Variants in DNAH6 observed in about 807,000 individuals in gnomAD.
The protein encoded by DNAH6 is dynein axonemal heavy chain 6.
In DNAH6, 340 loss-of-function variants were observed where a neutral mutation model predicts 491.4. The ratio of observed to expected loss-of-function variants is 0.69; its 90% CI spans 0.63 to 0.76. The LOEUF (loss-of-function observed/expected upper bound fraction) is 0.76, where lower values mean the gene tolerates loss of function less well. Among genes scored for constraint, DNAH6 ranks in the 30% least tolerant of loss-of-function variants. The probability of loss-of-function intolerance (pLI) is 0.00; values close to 1 mark genes in which losing one functional copy is unlikely to be tolerated. For synonymous variants in DNAH6, 1,603 were observed against 1,686.1 expected, an observed-to-expected ratio of 0.95 and a Z score of 1.21; for missense variants, 4,443 against 4,972.2, an observed-to-expected ratio of 0.89 and a Z score of 3.20.
chr2:84,669,420 A>T lies in DNAH6; in HGVS notation c.6216A>T (p.Thr2072=). The change falls in exon 38 of 77, where the codon ACA becomes ACT. Residue 2072 remains threonine, a synonymous_variant. Coordinates refer to ENST00000389394, the MANE Select transcript of DNAH6 (RefSeq NM_001370.2). The stretch of plus-strand genomic sequence containing the variant: ...CATTTTTTGAAATGCTTGTCCCCAC[A>T]ACTGACACAGTGCGCTATGGGTATC... ...DVPFFEMLVP[T]TDTVRYGYLM... 6.4e-7 allele frequency: 1 copy of T among 1,552,084 alleles called. No homozygotes were observed. Among genetic ancestry groups the T allele is most frequent in the East Asian group, 2.4e-5 (1 of 40,920 alleles).
At chr2:84,687,515 C>A (rs565153625) in intron 44 of DNAH6, among the ~76,000 whole-genome samples, 1 of 152,052 alleles carries the variant, frequency 6.6e-6, no homozygotes, top group East Asian at 1.9e-4. Flanking sequence ...AGATAAACTA[C>A]GTATTTTTGT....
the DNAH6 span, among the ~76,000 whole-genome samples, chr2:84,472,487 A>G: frequency 1.3e-5 from 2 of 152,170 alleles, no homozygotes; most frequent in African/African-American, 2.4e-5. Context: ...CTACTGAAAC[A>G]TGAACAGAGG....
chr2:84,610,383 T>C (rs1686206866), intron 21 of DNAH6, among the ~76,000 whole-genome samples: 1 of 152,170 alleles, frequency 6.6e-6, no homozygotes, highest in Non-Finnish European at 1.5e-5. Flanking sequence ...AAGTCACAGA[T>C]GGCACCCACA....
At chr2:84,796,953 T>C (rs1206223170) in intron 69 of DNAH6, among the ~76,000 whole-genome samples, 1 of 152,202 alleles carries the variant, frequency 6.6e-6, no homozygotes, top group East Asian at 1.9e-4. Context: ...TAGTTTATTA[T>C]GAGTCAGACA....
intron 11 of DNAH6, among the ~76,000 whole-genome samples, chr2:84,570,487 C>T (rs193206166): frequency 6.8e-6 from 1 of 147,426 alleles, no homozygotes; most frequent in African/African-American, 2.5e-5. Context: ...CACCAATCAG[C>T]ACTCTGTGTC....
At chr2:84,570,408 A>G (rs1170711368) in intron 11 of DNAH6, among the ~76,000 whole-genome samples, 1 of 152,070 alleles carries the variant, frequency 6.6e-6, no homozygotes, top group Non-Finnish European at 1.5e-5. Context: ...CTCTGTAAAA[A>G]CACACCAATC....
At chr2:84,752,553 A>G (rs1396476603) in intron 63 of DNAH6, among the ~76,000 whole-genome samples, 1 of 152,122 alleles carries the variant, frequency 6.6e-6, no homozygotes, top group Non-Finnish European at 1.5e-5. Flanking sequence ...TGCAACCATC[A>G]CAATTTAGAG....
chr2:84,688,542 C>A lies in DNAH6; in HGVS notation c.7241C>A (p.Pro2414His). Residue 2414 changes from proline to histidine, a missense_variant, in exon 45 of 77, where the codon CCC becomes CAC. Physicochemically the swap from Pro to His is moderately conservative, Grantham distance 77. Coordinates refer to ENST00000389394, the MANE Select transcript of DNAH6 (RefSeq NM_001370.2). ...CTTGATGATTATAATCTCACAAATC[C>A]CAAAGAAGTAAAGTTGGTGTTCTTC... ...DYLDDYNLTNPKEVKLVFFQD... is the reference protein window; with the variant it reads ...DYLDDYNLTNHKEVKLVFFQD... 1.3e-6 allele frequency: 2 copies of A among 1,544,890 alleles called. No individual in the cohort carries two copies. Among genetic ancestry groups the A allele is most frequent in the Non-Finnish European group, 8.7e-7 (1 of 1,145,644 alleles).
intron 26 of DNAH6, 95 bp from the exon 27 acceptor site, chr2:84,624,170 T>C: frequency 8.6e-7 from 1 of 1,160,300 alleles, no homozygotes; most frequent in Non-Finnish European, 1.2e-6. Context: ...AGCTGGTTTT[T>C]AGCAATGTCT....
chr2:84,576,460 T>C (rs539548699), intron 12 of DNAH6, among the ~76,000 whole-genome samples: 1 of 152,094 alleles, frequency 6.6e-6, no homozygotes, highest in Non-Finnish European at 1.5e-5. Context: ...AGGAAGATTA[T>C]GGAAGGAGGA....
At chr2:84,705,852 T>C (rs186196452) in intron 52 of DNAH6, 105 bp downstream of exon 52, 9 of 1,261,766 alleles carry the variant, frequency 7.1e-6, no homozygotes, top group Non-Finnish European at 9.4e-6. Flanking sequence ...ATATAGACAG[T>C]GACAAAACTC....
At chr2:84,708,629 GGAGAGGAAGAAAGAAA>G (rs1454805684) in intron 54 of DNAH6, among the ~76,000 whole-genome samples, 2 of 150,734 alleles carry the variant, frequency 1.3e-5, no homozygotes, top group Non-Finnish European at 3.0e-5. Flanking sequence ...GGGAGATAGA[GGAGAGGAAGAAAGAAA>G]GAGAGAAAGA....
At chr2:84,574,258 A>G (rs769756414) in intron 12 of DNAH6, among the ~76,000 whole-genome samples, 1 of 152,058 alleles carries the variant, frequency 6.6e-6, no homozygotes, top group African/African-American at 2.4e-5. Flanking sequence ...ACTTTGCTCT[A>G]TGAACCAGCA....
chr2:84,681,150 A>G (rs894958360), intron 41 of DNAH6, among the ~76,000 whole-genome samples: 5 of 152,208 alleles, frequency 3.3e-5, no homozygotes, highest in Non-Finnish European at 7.3e-5. Context: ...AATGCCACTC[A>G]GGCATCACAA....
At chr2:84,556,520 AC>A (rs1284941136) in intron 10 of DNAH6, among the ~76,000 whole-genome samples, 1 of 152,228 alleles carries the variant, frequency 6.6e-6, no homozygotes, top group Non-Finnish European at 1.5e-5. Flanking sequence ...TTAAAGACTT[AC>A]CTTTTCTTTA....
At chr2:84,762,284 A>C (rs1438964866) in intron 63 of DNAH6, among the ~76,000 whole-genome samples, 1 of 152,216 alleles carries the variant, frequency 6.6e-6, no homozygotes, top group African/African-American at 2.4e-5. Context: ...GAAATGAAAT[A>C]GTGGCTGGAA....
rs765819203 is a variant in DNAH6, at chr2:84,593,985, A to C, written c.2624A>C (p.Lys875Thr). 6.5e-7 allele frequency: 1 copy of C among 1,547,238 alleles called. No homozygotes were observed. Among genetic ancestry groups the C allele is most frequent in the Admixed American group, 2.0e-5 (1 of 50,538 alleles). The change falls in exon 17 of 77, where the codon AAG becomes ACG. Residue 875 changes from lysine to threonine, a missense_variant. By Grantham distance (78) the Lys-to-Thr change is moderately conservative (BLOSUM62 -1). Around this residue, in one of 3 missense-constraint regions of DNAH6, gnomAD observed 2,977 missense variants for 3,296.6 expected, o/e 0.90. Transcript: ENST00000389394. ...ACATTTTTAAAGGTAGAAGTGTCCA[A>C]GTTTGAAGCTTTGGAAGAAGTCAGT... Reference protein sequence around the residue: ...YQKNFKVEVSKFEALEEVSAE... With the variant: ...YQKNFKVEVSTFEALEEVSAE...
intron 55 of DNAH6, among the ~76,000 whole-genome samples, chr2:84,709,916 C>A (rs892179526): frequency 2.0e-5 from 3 of 152,148 alleles, no homozygotes; most frequent in East Asian, 1.9e-4. Context: ...TTAGGGCAAG[C>A]CTGACTGGAA....
chr2:84,809,522 G>A (rs1679757558), intron 72 of DNAH6, among the ~76,000 whole-genome samples: 1 of 152,116 alleles, frequency 6.6e-6, no homozygotes, highest in African/African-American at 2.4e-5. Flanking sequence ...TCCTCTCTCA[G>A]TCTCCTGGTC....
Sources: allele counts gnomAD v4.1 joint callset (sites outside exome capture counted in the v4.1 genomes callset), GRCh38; gene constraint gnomAD v4.1.1; regional missense constraint gnomAD v4.1.1; transcripts MANE v1.5; gene names NCBI Gene and HGNC (gene_info 2026-07-23, HGNC 2026-07-21).